The following TAFA5 variants were observed in gnomAD, a reference collection of about 807,000 sequenced individuals.
TAFA5 encodes the protein chemokine-like protein TAFA-5.
Under a neutral mutation model 15.3 loss-of-function variants are expected in TAFA5, and 6 were observed. The observed-to-expected ratio is 0.39, with a 90% CI of 0.21 to 0.77. TAFA5 has a LOEUF of 0.77. TAFA5 is among the 30% of genes least tolerant of loss of function. The probability of loss-of-function intolerance (pLI) is 0.41; values close to 1 mark genes in which losing one functional copy is unlikely to be tolerated. For missense variants in TAFA5, 161 were observed against 193.1 expected, an observed-to-expected ratio of 0.83 and a Z score of 0.98; for synonymous variants, 103 against 80.7, an observed-to-expected ratio of 1.28 and a Z score of -1.48.
intron 2 of TAFA5, among the ~76,000 whole-genome samples, chr22:48,698,950 TTTTTTTGG>T (rs1569084454): frequency 7.4e-6 from 1 of 135,308 alleles, no homozygotes; most frequent in Non-Finnish European, 1.6e-5. Flanking sequence ...TTTTTTTTTT[TTTTTTTGG>T]CGCGACCAAG....
intron 3 of TAFA5, among the ~76,000 whole-genome samples, chr22:48,729,783 T>A (rs1464833496): frequency 6.8e-6 from 1 of 148,130 alleles, no homozygotes; most frequent in Admixed American, 6.7e-5. Flanking sequence ...TATAAATATA[T>A]AAATATATAT....
intron 1 of TAFA5, among the ~76,000 whole-genome samples, chr22:48,527,707 G>C (rs1030348317): frequency 6.6e-6 from 1 of 152,210 alleles, no homozygotes; most frequent in Non-Finnish European, 1.5e-5. Flanking sequence ...AGGAGGATCC[G>C]GGGCTCTGTG....
chr22:48,710,261 TG>T (rs1046102549), intron 3 of TAFA5, among the ~76,000 whole-genome samples: 1 of 152,138 alleles, frequency 6.6e-6, no homozygotes, highest in Non-Finnish European at 1.5e-5. Context: ...CACTGGTAAG[TG>T]GGGGACACAG....
chr22:48,623,095 G>A (rs1036029312), intron 1 of TAFA5, among the ~76,000 whole-genome samples: 3 of 152,256 alleles, frequency 2.0e-5, no homozygotes, highest in Non-Finnish European at 2.9e-5. Context: ...TCTGTGGGCT[G>A]CAGGGGGTGG....
chr22:48,657,048 G>C (rs1055138321), intron 2 of TAFA5, among the ~76,000 whole-genome samples: 1 of 152,076 alleles, frequency 6.6e-6, no homozygotes, highest in African/African-American at 2.4e-5. Context: ...TGGGATTACA[G>C]GTGTGAGCCA....
At chr22:48,579,297 A>G (rs1220528841) in intron 1 of TAFA5, among the ~76,000 whole-genome samples, 1 of 152,212 alleles carries the variant, frequency 6.6e-6, no homozygotes, top group African/African-American at 2.4e-5. Flanking sequence ...AGGCCCAGGA[A>G]GAAAGCAGGG....
chr22:48,495,640 T>A (rs1390549183), intron 1 of TAFA5, among the ~76,000 whole-genome samples: 1 of 152,172 alleles, frequency 6.6e-6, no homozygotes, highest in African/African-American at 2.4e-5. Context: ...CCCAAAGACA[T>A]CTTGCCCGTC....
intron 1 of TAFA5, among the ~76,000 whole-genome samples, chr22:48,516,941 T>C (rs1311582468): frequency 6.6e-6 from 1 of 152,228 alleles, no homozygotes; most frequent in African/African-American, 2.4e-5. Flanking sequence ...AAACATCTTA[T>C]GTATTTATTT....
At chr22:48,604,232 A>G (rs59062532) in intron 1 of TAFA5, among the ~76,000 whole-genome samples, 35,410 of 152,082 alleles carry the variant, frequency 0.23, 4,785 homozygotes, top group African/African-American at 0.37. Flanking sequence ...CCGAGTGTTT[A>G]CATCTCAGGC....
At chr22:48,697,121 A>G (rs1007756043) in intron 2 of TAFA5, among the ~76,000 whole-genome samples, 5 of 152,206 alleles carry the variant, frequency 3.3e-5, no homozygotes, top group African/African-American at 1.2e-4. Flanking sequence ...AGAAGAGAGG[A>G]ACCTGGACTG....
chr22:48,661,850 C>T (rs2147214759), intron 2 of TAFA5, among the ~76,000 whole-genome samples: 1 of 151,910 alleles, frequency 6.6e-6, no homozygotes, highest in East Asian at 1.9e-4. Context: ...CAGAGACATC[C>T]ACAGGGGTGA....
At chr22:48,516,369 T>A (rs1921405969) in intron 1 of TAFA5, among the ~76,000 whole-genome samples, 3 of 152,164 alleles carry the variant, frequency 2.0e-5, no homozygotes, top group African/African-American at 7.2e-5. Flanking sequence ...GCGATTCCCA[T>A]TCCCCTGTCA....
At chr22:48,542,979 G>A (rs904491829) in intron 1 of TAFA5, among the ~76,000 whole-genome samples, 1 of 151,830 alleles carries the variant, frequency 6.6e-6, no homozygotes, top group African/African-American at 2.4e-5. Context: ...TGTGTAGTGT[G>A]TGATGTGTAT....
At chr22:48,577,546 G>A (rs910317997) in intron 1 of TAFA5, among the ~76,000 whole-genome samples, 3 of 152,232 alleles carry the variant, frequency 2.0e-5, no homozygotes, top group Non-Finnish European at 4.4e-5. Flanking sequence ...AGCACCGGAG[G>A]GCGCCTGTGT....
intron 1 of TAFA5, among the ~76,000 whole-genome samples, chr22:48,510,623 A>T (rs1381840651): frequency 6.6e-6 from 1 of 152,238 alleles, no homozygotes; most frequent in African/African-American, 2.4e-5. Flanking sequence ...GGGTGGGGGA[A>T]CCTGGCTGTG....
chr22:48,545,260 G>T lies in TAFA5; in HGVS notation c.112+55556G>T. The T allele has an allele frequency of 1.2e-5, 3 of 257,536 alleles. 1 individual carries two copies. Among genetic ancestry groups the T allele is most frequent in the South Asian group, 1.0e-4 (2 of 19,342 alleles). The allele number at this position is 257,536 out of a possible 1,614,324, so 16.0% of individuals were successfully genotyped here. A position where few individuals can be genotyped will look rare whatever the true frequency, so the allele number is the denominator to read the frequency against. The stretch of plus-strand genomic sequence containing the variant: ...TGCTGCCATTTGGCGTAAGGCCTCT[G>T]GTCTCGGAATTCCCTGGCACAGTGT... On this transcript the variant is annotated intron_variant, in intron 1 of 3. Coordinates refer to ENST00000402357, the MANE Select transcript of TAFA5 (RefSeq NM_001082967.3).
At chr22:48,516,734 C>T (rs764043780) in intron 1 of TAFA5, among the ~76,000 whole-genome samples, 14 of 152,258 alleles carry the variant, frequency 9.2e-5, no homozygotes, top group African/African-American at 2.6e-4. Context: ...GAGAAGCCAC[C>T]GCCACGAAGG....
intron 2 of TAFA5, among the ~76,000 whole-genome samples, chr22:48,647,545 G>A (rs574015998): frequency 6.6e-6 from 1 of 152,252 alleles, no homozygotes; most frequent in South Asian, 2.1e-4. Flanking sequence ...CCCCACAGCC[G>A]GGACCTCCCC....
chr22:48,666,673 G>C (rs1927626913), intron 2 of TAFA5, among the ~76,000 whole-genome samples: 1 of 152,332 alleles, frequency 6.6e-6, no homozygotes, highest in East Asian at 1.9e-4. Context: ...TGCAGTGCCA[G>C]GAATCCCCGT....
Sources: allele counts gnomAD v4.1 joint callset (sites outside exome capture counted in the v4.1 genomes callset), GRCh38; gene constraint gnomAD v4.1.1; transcripts MANE v1.5; gene names NCBI Gene and HGNC (gene_info 2026-07-23, HGNC 2026-07-21).